The following POLR3C variants were observed in gnomAD, a reference collection of about 807,000 sequenced individuals.
The protein encoded by POLR3C is DNA-directed RNA polymerase III subunit RPC3.
POLR3C carries 44 observed loss-of-function variants against 65.9 expected under a neutral mutation model. The ratio of observed to expected loss-of-function variants is 0.67; its 90% CI spans 0.52 to 0.86. The LOEUF (loss-of-function observed/expected upper bound fraction) is 0.86. POLR3C is among the 40% of genes least tolerant of loss of function. POLR3C has a pLI of 0.00. For missense variants in POLR3C, 576 were observed against 653.2 expected (o/e 0.88, Z 1.29); for synonymous variants, 263 against 231.6 (o/e 1.14, Z -1.23).
chr1:145,838,207 G>GT lies in POLR3C; in HGVS notation c.1221+2dup. The GT allele has an allele frequency of 6.2e-7, 1 of 1,612,812 alleles. No individual in the cohort carries two copies. Among genetic ancestry groups the GT allele is most frequent in the Non-Finnish European group, 8.5e-7 (1 of 1,178,902 alleles). Reference sequence around the variant, plus strand: ...CTCAGAAAATTTCATGTCACTCCAGGTAACCAACCAAGGGCGTAATAATTG... The same window carrying GT: ...CTCAGAAAATTTCATGTCACTCCAGGTTAACCAACCAAGGGCGTAATAATTG... On this transcript the variant is annotated splice_donor_variant, in intron 11 of 14. Transcript: ENST00000334163. LOFTEE classifies it high-confidence loss of function.
At chr1:145,840,056 T>G in intron 12 of POLR3C, 60 bp from the exon 13 acceptor site, 4 of 1,513,918 alleles carry the variant, frequency 2.6e-6, no homozygotes, top group Non-Finnish European at 3.7e-6. Flanking sequence ...TGTGCCCACT[T>G]CGCCCTGAGC....
intron 7 of POLR3C, among the ~76,000 whole-genome samples, chr1:145,835,144 C>CAAAAA (rs56819606): frequency 2.1e-5 from 1 of 47,294 alleles, no homozygotes; most frequent in Non-Finnish European, 4.6e-5. Flanking sequence ...AACCCTATTT[C>CAAAAA]AAAAAAAAAA....
intron 5 of POLR3C, among the ~76,000 whole-genome samples, chr1:145,831,557 G>C (rs587685887): frequency 6.7e-6 from 1 of 150,330 alleles, no homozygotes; most frequent in African/African-American, 2.4e-5. Flanking sequence ...TAGAGTAACA[G>C]ATTTGGAAAT....
Position 145,838,141 on chromosome 1 carries a change from A to C in POLR3C, c.1156A>C (p.Ile386Leu). 2 of 1,613,806 alleles carry C rather than the reference A, an allele frequency of 1.2e-6. No individual in the cohort carries two copies. Among genetic ancestry groups the C allele is most frequent in the Middle Eastern group, 1.6e-4 (1 of 6,062 alleles). Residue 386 changes from isoleucine to leucine, a missense_variant, in exon 11 of 15, where the codon ATT becomes CTT. Coordinates refer to ENST00000334163, the MANE Select transcript of POLR3C (RefSeq NM_006468.8). ...EQKQVEDFAM[I>L]PAKEAKDMLY... ...GAAGCAAGTGGAAGACTTTGCAATG[A>C]TTCCTGCAAAGGAGGCAAAGGATAT...
intron 1 of POLR3C, 171 bp downstream of exon 1, chr1:145,824,540 C>G: frequency 1.6e-6 from 2 of 1,289,446 alleles, no homozygotes; most frequent in Non-Finnish European, 2.0e-6. Flanking sequence ...TGTGGATGGA[C>G]GAAATAGGTC....
intron 4 of POLR3C, among the ~76,000 whole-genome samples, chr1:145,828,168 G>A (rs782389469): frequency 1.1e-4 from 17 of 152,310 alleles, no homozygotes; most frequent in African/African-American, 3.8e-4. Flanking sequence ...GAGGCATGAG[G>A]TAAGGTTAGA....
chr1:145,835,021 C>CT (rs1651683583), intron 7 of POLR3C, among the ~76,000 whole-genome samples: 1 of 151,236 alleles, frequency 6.6e-6, no homozygotes, highest in Admixed American at 6.6e-5. Flanking sequence ...TGCCATATGC[C>CT]TGTAGTCACA....
Position 145,840,959 on chromosome 1 carries a change from A to G in POLR3C, c.1411A>G (p.Ile471Val), listed in dbSNP as rs1553730352. ...AAAATCTCAGAGGGTAGAAGCCATC[A>G]TTGCATCTATGCAGGCTACTGGTGC... ...LEKSQRVEAI[I>V]ASMQATGAEE... The change falls in exon 14 of 15, where the codon ATT becomes GTT. Residue 471 changes from isoleucine (I) to valine (V), a missense_variant. Transcript: ENST00000334163. The G allele has an allele frequency of 1.2e-6, 2 of 1,613,322 alleles. No individual in the cohort carries two copies. The highest frequency in any genetic ancestry group is 1.3e-5 in the African/African-American group (1 of 74,934).
At chr1:145,834,737 C>T (rs913524598) in intron 7 of POLR3C, among the ~76,000 whole-genome samples, 2 of 152,172 alleles carry the variant, frequency 1.3e-5, no homozygotes, top group Admixed American at 1.3e-4. Context: ...AGGAATTTTT[C>T]AGCTCCAGTA....
rs1261420778 is a variant in POLR3C at position 145,844,097 on chromosome 1, AC to A, written c.*1678del. 6.6e-6 allele frequency among the ~76,000 whole-genome samples: 1 copy of A among 152,206 alleles called. No individual in the cohort carries two copies. The highest frequency in any genetic ancestry group is 1.5e-5 in the Non-Finnish European group (1 of 68,036). On this transcript the variant is annotated 3_prime_UTR_variant, in exon 15 of 15. Transcript: ENST00000334163. Reference sequence around the variant, plus strand: ...TAAATTGGTACAGCCACTGTGGAAGACTACAGAGGTTCCTCAAAAAACTAAA... The same window carrying A: ...TAAATTGGTACAGCCACTGTGGAAGATACAGAGGTTCCTCAAAAAACTAAA...
intron 13 of POLR3C, 79 bp from the exon 14 acceptor site, chr1:145,840,843 T>G: frequency 9.9e-7 from 1 of 1,009,544 alleles, no homozygotes; most frequent in East Asian, 2.4e-5. Context: ...TAAAGGGTGG[T>G]GGGTAGTGCC....
At chr1:145,828,127 G>C (rs1010322623) in intron 4 of POLR3C, among the ~76,000 whole-genome samples, 1 of 152,124 alleles carries the variant, frequency 6.6e-6, no homozygotes, top group Non-Finnish European at 1.5e-5. Flanking sequence ...AAGAATGTCA[G>C]TATAGCTAAA....
rs923691375 is a variant in POLR3C at position 145,825,884 on chromosome 1, A to G, written c.108A>G (p.Leu36=). Residue 36 remains leucine, a synonymous_variant, in exon 2 of 15, where the codon CTA becomes CTG. Coordinates refer to ENST00000334163, the MANE Select transcript of POLR3C (RefSeq NM_006468.8). ...TGATAAGAACCGGCAGCCAGCCACT[A>G]AGAGTAATTGCCCATGACACAGGAA... ...VHLIRTGSQP[L]RVIAHDTGTS... 3.1e-6 allele frequency: 5 copies of G among 1,613,554 alleles called. No individual in the cohort carries two copies. Among genetic ancestry groups the G allele is most frequent in the African/African-American group, 2.7e-5 (2 of 74,936 alleles).
intron 14 of POLR3C, among the ~76,000 whole-genome samples, chr1:145,841,276 C>T (rs1457717093): frequency 6.6e-6 from 1 of 152,220 alleles, no homozygotes; most frequent in Non-Finnish European, 1.5e-5. Context: ...TATACACTCT[C>T]TTGTTCATCA....
At chr1:145,835,997 C>T (rs587718175) in intron 7 of POLR3C, among the ~76,000 whole-genome samples, 1 of 152,200 alleles carries the variant, frequency 6.6e-6, no homozygotes, top group Non-Finnish European at 1.5e-5. Context: ...CACTTAATGG[C>T]CGTGCTATAT....
intron 1 of POLR3C, chr1:145,824,639 C>G: frequency 1.5e-6 from 1 of 657,336 alleles, no homozygotes; most frequent in South Asian, 1.5e-5. Flanking sequence ...TGTTTGGTAG[C>G]AATTTGTAAT....
chr1:145,828,232 A>G (rs1350979741), intron 4 of POLR3C, among the ~76,000 whole-genome samples: 5 of 152,226 alleles, frequency 3.3e-5, no homozygotes, highest in Non-Finnish European at 7.3e-5. Flanking sequence ...CAACCTGCTT[A>G]GTACTTGGAT....
rs782595468 is a variant in POLR3C at position 145,843,329 on chromosome 1, C to T, written c.*909C>T. ...CGCTAAATTCTCTCTCTCAGTATCACGGATATAATTTGTCCCAGCAGCTTT... is the reference window on the plus strand; with the variant it reads ...CGCTAAATTCTCTCTCTCAGTATCATGGATATAATTTGTCCCAGCAGCTTT... On this transcript the variant is annotated 3_prime_UTR_variant, in exon 15 of 15. Coordinates refer to ENST00000334163, the MANE Select transcript of POLR3C (RefSeq NM_006468.8). 7.2e-5 allele frequency among the ~76,000 whole-genome samples: 11 copies of T among 152,190 alleles called. No individual in the cohort carries two copies. The highest frequency in any genetic ancestry group is 1.9e-4 in the East Asian group (1 of 5,206).
At chr1:145,834,059 A>G (rs1559147593) in intron 7 of POLR3C, among the ~76,000 whole-genome samples, 2 of 152,296 alleles carry the variant, frequency 1.3e-5, no homozygotes, top group South Asian at 2.1e-4. Context: ...ACAAACCTAG[A>G]TGGTGTAGCC....
Sources: allele counts gnomAD v4.1 joint callset (sites outside exome capture counted in the v4.1 genomes callset), GRCh38; gene constraint gnomAD v4.1.1; transcripts MANE v1.5; gene names NCBI Gene and HGNC (gene_info 2026-07-23, HGNC 2026-07-21).